Variants in FAM178B observed in about 807,000 individuals in gnomAD.
The protein encoded by FAM178B is family with sequence similarity 178 member B.
Under a neutral mutation model 91.7 loss-of-function variants are expected in FAM178B, and 82 were observed. The observed-to-expected ratio is 0.89, with a 90% CI of 0.75 to 1.07. FAM178B has a LOEUF of 1.07. Ranked by LOEUF, FAM178B falls within the 50% of genes least tolerant of loss-of-function variation. The pLI is 0.00. For synonymous variants in FAM178B, 368 were observed against 359.4 expected, an observed-to-expected ratio of 1.02 and a Z score of -0.27; for missense variants, 769 against 846.7, an observed-to-expected ratio of 0.91 and a Z score of 1.14.
chr2:96,881,217 C>G (rs1467171352), intron 14 of FAM178B, among the ~76,000 whole-genome samples: 1 of 146,456 alleles, frequency 6.8e-6, no homozygotes, highest in Non-Finnish European at 1.5e-5. Context: ...CTGTAGTGAG[C>G]TGTAACTGTG....
At chr2:96,885,478 G>C (rs373329430) in intron 14 of FAM178B, among the ~76,000 whole-genome samples, 1 of 152,272 alleles carries the variant, frequency 6.6e-6, no homozygotes, top group East Asian at 1.9e-4. Flanking sequence ...TCGTGGTACT[G>C]AGGACAGGGA....
intron 9 of FAM178B, 62 bp downstream of exon 9, chr2:96,929,144 G>C (rs545253787): frequency 1.4e-4 from 168 of 1,172,450 alleles, no homozygotes; most frequent in Non-Finnish European, 1.9e-4. Flanking sequence ...GAGTGACAGA[G>C]AGAGACCCTG....
intron 1 of FAM178B, among the ~76,000 whole-genome samples, chr2:96,974,481 A>C (rs2082264339): frequency 6.6e-6 from 1 of 151,968 alleles, no homozygotes; most frequent in East Asian, 1.9e-4. Context: ...AAAAAGAAAA[A>C]TATATAGAAA....
At chr2:96,942,186 C>T (rs2081743882) in intron 8 of FAM178B, among the ~76,000 whole-genome samples, 1 of 152,202 alleles carries the variant, frequency 6.6e-6, no homozygotes, top group African/African-American at 2.4e-5. Flanking sequence ...AATTACAACA[C>T]ATTGTTGACA....
At chr2:96,880,845 C>G (rs935502117) in intron 14 of FAM178B, among the ~76,000 whole-genome samples, 1 of 152,324 alleles carries the variant, frequency 6.6e-6, no homozygotes, top group Admixed American at 6.5e-5. Context: ...CCGCCCGCCT[C>G]GGCCTCCCAA....
At chr2:96,917,522 G>A (rs2081261288) in intron 12 of FAM178B, among the ~76,000 whole-genome samples, 1 of 152,170 alleles carries the variant, frequency 6.6e-6, no homozygotes, top group Non-Finnish European at 1.5e-5. Flanking sequence ...TTAGGATATG[G>A]AGAAGGTAGC....
intron 1 of FAM178B, among the ~76,000 whole-genome samples, chr2:96,977,597 T>A (rs1382305686): frequency 6.6e-6 from 1 of 151,706 alleles, no homozygotes; most frequent in Non-Finnish European, 1.5e-5. Flanking sequence ...CGTTTTAGTG[T>A]TGCAAAGTCC....
intron 8 of FAM178B, among the ~76,000 whole-genome samples, chr2:96,937,553 A>C (rs2081653036): frequency 6.6e-6 from 1 of 152,116 alleles, no homozygotes; most frequent in South Asian, 2.1e-4. Context: ...GCCCACTGGA[A>C]TCAGGAGGGG....
chr2:96,893,317 T>G (rs543735360), intron 14 of FAM178B, among the ~76,000 whole-genome samples: 1 of 152,192 alleles, frequency 6.6e-6, no homozygotes, highest in African/African-American at 2.4e-5. Flanking sequence ...ACCCAGGGAC[T>G]CATAGGCCTC....
intron 1 of FAM178B, among the ~76,000 whole-genome samples, chr2:96,973,575 T>C (rs181844927): frequency 1.4e-4 from 22 of 152,178 alleles, no homozygotes; most frequent in Admixed American, 1.4e-3. Context: ...GAAAGGCTAA[T>C]AAAGAGTCTA....
intron 12 of FAM178B, among the ~76,000 whole-genome samples, chr2:96,903,820 G>A (rs1421159300): frequency 4.6e-5 from 7 of 152,314 alleles, no homozygotes; most frequent in East Asian, 3.9e-4. Flanking sequence ...TCAAAGCTCC[G>A]GTGAGGCTGG....
intron 14 of FAM178B, among the ~76,000 whole-genome samples, chr2:96,889,642 C>T (rs2080616627): frequency 6.6e-6 from 1 of 151,000 alleles, no homozygotes; most frequent in Non-Finnish European, 1.5e-5. Flanking sequence ...TGTGCCATTG[C>T]ACTCCAGCCT....
intron 1 of FAM178B, among the ~76,000 whole-genome samples, chr2:96,982,510 G>A (rs573090098): frequency 2.0e-5 from 3 of 152,086 alleles, no homozygotes; most frequent in East Asian, 1.9e-4. Context: ...CAATCCACCC[G>A]CCTCAGTCTC....
At chr2:96,908,108 A>C (rs1559066068) in intron 12 of FAM178B, among the ~76,000 whole-genome samples, 1 of 152,298 alleles carries the variant, frequency 6.6e-6, no homozygotes, top group East Asian at 1.9e-4. Flanking sequence ...GGGAAGAACA[A>C]GGGGGTGGGC....
In FAM178B at chr2:96,876,159, A is replaced by T; in HGVS notation, c.*117T>A. On this transcript the variant is annotated 3_prime_UTR_variant, in exon 17 of 17. Transcript: ENST00000490605. ...GGTGGCAGGGGCAGGCTCTTGCCTC[A>T]TCAGGCTGGTCAGCATGTGGCCTCC... The T allele has an allele frequency of 9.2e-7, 1 of 1,088,124 alleles. No homozygotes were observed. Among genetic ancestry groups the T allele is most frequent in the Non-Finnish European group, 1.3e-6 (1 of 743,482 alleles). 67.4% of individuals were successfully genotyped at this position (1,088,124 alleles called of 1,614,324 possible).
At chr2:96,972,378 G>A (rs183691705) in intron 2 of FAM178B, 56 bp from the exon 3 acceptor site, 14 of 1,470,696 alleles carry the variant, frequency 9.5e-6, no homozygotes, top group Middle Eastern at 1.9e-4. Flanking sequence ...TGTCCCAGAC[G>A]TCAAGCCACA....
intron 1 of FAM178B, among the ~76,000 whole-genome samples, chr2:96,983,003 C>T (rs1028462211): frequency 1.0e-4 from 15 of 150,380 alleles, no homozygotes; most frequent in African/African-American, 2.7e-4. Context: ...CTCAGCCTCC[C>T]GAGTAGCTAG....
At chr2:96,928,856 G>A (rs2081491866) in intron 9 of FAM178B, among the ~76,000 whole-genome samples, 2 of 152,164 alleles carry the variant, frequency 1.3e-5, no homozygotes, top group Non-Finnish European at 2.9e-5. Flanking sequence ...AAACAAACAA[G>A]AGAACAGGTG....
In FAM178B at chr2:96,979,677, TTC is replaced by T. The variant is rs1413662752; in HGVS notation, c.73+6562_73+6563del. On this transcript the variant is annotated intron_variant, in intron 1 of 16. Coordinates refer to ENST00000490605, the MANE Select transcript of FAM178B (RefSeq NM_001122646.3). The stretch of plus-strand genomic sequence containing the variant: ...GTGGGATTGGTGGGTTGAATGGTAG[TTC>T]TGTTTTTAGTTCTTTGAGAAATCTC... Among the ~76,000 whole-genome samples the T allele has an allele frequency of 1.6e-4, 24 of 152,302 alleles. 1 individual carries two copies. Among genetic ancestry groups the T allele is most frequent in the African/African-American group, 5.8e-4 (24 of 41,554 alleles).
Sources: allele counts gnomAD v4.1 joint callset (sites outside exome capture counted in the v4.1 genomes callset), GRCh38; gene constraint gnomAD v4.1.1; transcripts MANE v1.5; gene names NCBI Gene and HGNC (gene_info 2026-07-23, HGNC 2026-07-21).